NAALADL2: variants seen among roughly 807,000 people sequenced by gnomAD.
The protein encoded by NAALADL2 is inactive N-acetylated-alpha-linked acidic dipeptidase-like protein 2.
In NAALADL2, 76 loss-of-function variants were observed where a neutral mutation model predicts 87.2. The ratio of observed to expected loss-of-function variants is 0.87; its 90% CI spans 0.72 to 1.05. The LOEUF (loss-of-function observed/expected upper bound fraction) is 1.05. Among genes scored for constraint, NAALADL2 ranks in the 50% least tolerant of loss-of-function variants. The pLI is 0.00. For missense variants in NAALADL2, 1,089 were observed against 945.8 expected (o/e 1.15, Z -1.99); for synonymous variants, 354 against 331.0 (o/e 1.07, Z -0.75).
chr3:174,887,987 G>A (rs1350831207), intron 1 of NAALADL2, among the ~76,000 whole-genome samples: 2 of 152,132 alleles, frequency 1.3e-5, no homozygotes, highest in African/African-American at 4.8e-5. Flanking sequence ...GAGGTCATGG[G>A]ATAGAGAGGG....
chr3:175,100,931 TGA>T (rs1217388457), intron 2 of NAALADL2, among the ~76,000 whole-genome samples: 2 of 151,264 alleles, frequency 1.3e-5, no homozygotes, highest in African/African-American at 4.9e-5. Flanking sequence ...CTATCTGGGT[TGA>T]GAGGGAGAGG....
intron 1 of NAALADL2, among the ~76,000 whole-genome samples, chr3:174,947,696 A>G (rs1739662167): frequency 6.6e-6 from 1 of 152,052 alleles, no homozygotes; most frequent in African/African-American, 2.4e-5. Flanking sequence ...CAGGTTTTAA[A>G]AAAAAATCCA....
At chr3:174,572,686 T>A (rs1397013968) in intron 2 of NAALADL2, among the ~76,000 whole-genome samples, 1 of 152,144 alleles carries the variant, frequency 6.6e-6, no homozygotes, top group Non-Finnish European at 1.5e-5. Context: ...TATAAACAAA[T>A]CAATAGCATT....
chr3:175,055,546 T>A (rs1359419323), intron 1 of NAALADL2, among the ~76,000 whole-genome samples: 1 of 152,182 alleles, frequency 6.6e-6, no homozygotes, highest in Non-Finnish European at 1.5e-5. Flanking sequence ...GGTGAGGGAA[T>A]GGCCTCAGTC....
At chr3:174,749,950 ATTC>A (rs1442946258) in intron 3 of NAALADL2, among the ~76,000 whole-genome samples, 3 of 152,176 alleles carry the variant, frequency 2.0e-5, no homozygotes, top group East Asian at 3.8e-4. Flanking sequence ...AATTTTTAAA[ATTC>A]TTCTTTATTT....
chr3:175,334,942 T>A (rs1392345640), intron 5 of NAALADL2, among the ~76,000 whole-genome samples: 1 of 152,130 alleles, frequency 6.6e-6, no homozygotes, highest in Non-Finnish European at 1.5e-5. Flanking sequence ...AATCAGTCAT[T>A]GGAAGTGTGC....
chr3:175,367,867 C>T (rs994516429), intron 5 of NAALADL2, among the ~76,000 whole-genome samples: 2 of 152,260 alleles, frequency 1.3e-5, no homozygotes, highest in African/African-American at 2.4e-5. Context: ...TGCCTGATTG[C>T]CCTGGCCAGA....
intron 5 of NAALADL2, among the ~76,000 whole-genome samples, chr3:175,346,098 A>C (rs1396004427): frequency 6.6e-6 from 1 of 152,152 alleles, no homozygotes; most frequent in Non-Finnish European, 1.5e-5. Context: ...TGACTGTAAC[A>C]TTTATATATT....
At chr3:174,724,314 A>G (rs1197594512) in intron 2 of NAALADL2, among the ~76,000 whole-genome samples, 2 of 152,190 alleles carry the variant, frequency 1.3e-5, no homozygotes, top group Non-Finnish European at 2.9e-5. Flanking sequence ...AAGATATGCC[A>G]TATGCTGGGT....
At chr3:174,660,676 A>C (rs1030625383) in intron 2 of NAALADL2, among the ~76,000 whole-genome samples, 2 of 152,116 alleles carry the variant, frequency 1.3e-5, no homozygotes, top group African/African-American at 4.8e-5. Flanking sequence ...ATTTATCTTA[A>C]ATGAATAGTA....
intron 10 of NAALADL2, among the ~76,000 whole-genome samples, chr3:175,599,674 G>A (rs943463612): frequency 6.6e-6 from 1 of 152,196 alleles, no homozygotes; most frequent in African/African-American, 2.4e-5. Context: ...GTATGTGTGT[G>A]TAAATACAAT....
At chr3:175,496,679 G>A (rs114971716) in intron 9 of NAALADL2, among the ~76,000 whole-genome samples, 4,839 of 151,956 alleles carry the variant, frequency 0.032, 269 homozygotes, top group African/African-American at 0.11. Context: ...CTCAACCTTC[G>A]AGTAGGTGGG....
intron 1 of NAALADL2, among the ~76,000 whole-genome samples, chr3:175,000,152 G>A (rs751805457): frequency 6.6e-6 from 1 of 152,012 alleles, no homozygotes; most frequent in Non-Finnish European, 1.5e-5. Flanking sequence ...TATGAACCAG[G>A]TTCTTTGTTA....
intron 3 of NAALADL2, among the ~76,000 whole-genome samples, chr3:174,851,022 T>G (rs1199551778): frequency 6.6e-6 from 1 of 152,022 alleles, no homozygotes; most frequent in Non-Finnish European, 1.5e-5. Flanking sequence ...CACTGGGTCA[T>G]TGGAGAAGTT....
At chr3:175,488,698 T>A (rs1248654589) in intron 9 of NAALADL2, among the ~76,000 whole-genome samples, 1 of 152,240 alleles carries the variant, frequency 6.6e-6, no homozygotes, top group African/African-American at 2.4e-5. Flanking sequence ...ATACTTCACA[T>A]GCCTGCTCCA....
At chr3:174,782,227 G>A (rs1716075534) in intron 3 of NAALADL2, among the ~76,000 whole-genome samples, 1 of 152,038 alleles carries the variant, frequency 6.6e-6, no homozygotes, top group South Asian at 2.1e-4. Context: ...TGAGTACAAG[G>A]TTACATTTCA....
At chr3:175,374,385 C>G (rs1048103355) in intron 5 of NAALADL2, among the ~76,000 whole-genome samples, 10 of 151,082 alleles carry the variant, frequency 6.6e-5, no homozygotes, top group Admixed American at 6.6e-4. Flanking sequence ...GAGACCTTGT[C>G]TCTTCTAAAA....
At chr3:174,448,733 A>T (rs1715249346) in intron 1 of NAALADL2, among the ~76,000 whole-genome samples, 1 of 152,140 alleles carries the variant, frequency 6.6e-6, no homozygotes, top group Non-Finnish European at 1.5e-5. Flanking sequence ...TATGTGTGGG[A>T]AAACAGGAAT....
chr3:175,716,748 G>A lies in NAALADL2; in HGVS notation c.1897-20558G>A, dbSNP rs988958205. Among the ~76,000 whole-genome samples the A allele has an allele frequency of 3.9e-5, 6 of 152,082 alleles. No individual in the cohort carries two copies. The South Asian group carries it at 1.0e-3, about 26-fold the overall frequency. ...GGCAATGGGAAGCCAAGTTTTAAGA[G>A]CAAAGTTATATGATCTAATCTAAGT... On this transcript the variant is annotated intron_variant, in intron 11 of 13. Transcript: ENST00000454872.
Sources: allele counts gnomAD v4.1 joint callset (sites outside exome capture counted in the v4.1 genomes callset), GRCh38; gene constraint gnomAD v4.1.1; transcripts MANE v1.5; gene names NCBI Gene and HGNC (gene_info 2026-07-23, HGNC 2026-07-21).